Variants in FSCN2 observed in about 807,000 individuals in gnomAD.
FSCN2 encodes the protein fascin-2.
FSCN2 carries 46 observed loss-of-function variants against 37.8 expected under a neutral mutation model. The ratio of observed to expected loss-of-function variants is 1.22; its 90% CI spans 0.96 to 1.56. The LOEUF is 1.56. Ranked by LOEUF, FSCN2 falls within the 40% of genes most tolerant of loss-of-function variation. FSCN2 has a pLI of 0.00. For missense variants in FSCN2, 844 were observed against 730.4 expected, an observed-to-expected ratio of 1.16 and a Z score of -1.79; for synonymous variants, 351 against 309.4, an observed-to-expected ratio of 1.13 and a Z score of -1.41.
In FSCN2 at chr17:81,536,586, C is replaced by T. The variant is rs2032885170; in HGVS notation, c.1106-36C>T. On this transcript the variant is annotated intron_variant, in intron 3 of 4. Transcript: ENST00000417245. ...CGCCCGGCCTGGACAGGGAAGGTGGCGGGAGGGGCAGCGCAGCAGACGCTC... is the reference window on the plus strand; with the variant it reads ...CGCCCGGCCTGGACAGGGAAGGTGGTGGGAGGGGCAGCGCAGCAGACGCTC... 5 of 1,603,552 alleles carry T rather than the reference C, an allele frequency of 3.1e-6. No individual in the cohort carries two copies. The highest frequency in any genetic ancestry group is 1.1e-5 in the South Asian group (1 of 90,728).
chr17:81,524,839 G>T (rs1192233820), upstream of FSCN2, among the ~76,000 whole-genome samples: 1 of 151,176 alleles, frequency 6.6e-6, no homozygotes, highest in Non-Finnish European at 1.5e-5. Flanking sequence ...TCCAGAGTTG[G>T]CCCAGCAGGC....
At chr17:81,521,388 A>G in the FSCN2 span, among the ~76,000 whole-genome samples, 1 of 147,404 alleles carries the variant, frequency 6.8e-6, no homozygotes, top group Non-Finnish European at 1.5e-5. Context: ...TTTTGAGACA[A>G]GGTCTTATTC....
chr17:81,528,134 A>G (rs1233757942), upstream of FSCN2, among the ~76,000 whole-genome samples: 4 of 152,144 alleles, frequency 2.6e-5, no homozygotes, highest in East Asian at 1.9e-4. Context: ...CAAAAGGTGC[A>G]GGGCCGTGAA....
the FSCN2 span, among the ~76,000 whole-genome samples, chr17:81,521,017 G>C: frequency 6.6e-6 from 1 of 152,074 alleles, no homozygotes; most frequent in South Asian, 2.1e-4. Context: ...TAACCCTTCA[G>C]CGGAGTTTTT....
the FSCN2 span, among the ~76,000 whole-genome samples, chr17:81,519,344 G>A: frequency 6.6e-6 from 1 of 152,154 alleles, no homozygotes; most frequent in Non-Finnish European, 1.5e-5. Flanking sequence ...CCGGGGCTTC[G>A]GGTGGGCCCA....
chr17:81,531,621 ATGGTGGTGG>A (rs1207289115), intron 1 of FSCN2, among the ~76,000 whole-genome samples: 1 of 96,970 alleles, frequency 1.0e-5, no homozygotes, highest in South Asian at 4.0e-4. Flanking sequence ...GATGATGGTG[ATGGTGGTGG>A]TGATGGTGGT....
chr17:81,535,698 G>C (rs2032844415), intron 2 of FSCN2, among the ~76,000 whole-genome samples: 1 of 5,056 alleles, frequency 2.0e-4, no homozygotes, highest in Non-Finnish European at 3.6e-4. Context: ...CCCCATCTCT[G>C]CCATCCCCAC....
At chr17:81,525,792 C>T (rs1314027824), upstream of FSCN2, among the ~76,000 whole-genome samples, 1 of 152,230 alleles carries the variant, frequency 6.6e-6, no homozygotes, top group African/African-American at 2.4e-5. Context: ...TTATTAAGTA[C>T]CTGCTGTGTG....
chr17:81,528,430 T>TGTGGGCC lies in FSCN2; in HGVS notation c.-101_-95dup. On this transcript the variant is annotated 5_prime_UTR_variant, in exon 1 of 5. Coordinates refer to ENST00000417245, the MANE Select transcript of FSCN2 (RefSeq NM_012418.4). ...CGTGACGCCGGCTGGGTCTGGGGGC[T>TGTGGGCC]GTGGGCCAGCCGAGCCGACCCGGGC... 1.2e-6 allele frequency: 1 copy of TGTGGGCC among 843,910 alleles called. No homozygotes were observed. Among genetic ancestry groups the TGTGGGCC allele is most frequent in the Non-Finnish European group, 1.9e-6 (1 of 538,594 alleles). The allele number at this position is 843,910 out of a possible 1,614,324, so 52.3% of individuals were successfully genotyped here. A position where few individuals can be genotyped will look rare whatever the true frequency, so the allele number is the denominator to read the frequency against.
At chr17:81,528,333 G>A (rs1417199580), upstream of FSCN2, 6 of 586,334 alleles carry the variant, frequency 1.0e-5, no homozygotes, top group Non-Finnish European at 1.8e-5. Context: ...GCCCTCTGCT[G>A]CCCGCGGGCC....
chr17:81,533,867 G>T (rs139106418), intron 1 of FSCN2, among the ~76,000 whole-genome samples: 4 of 152,108 alleles, frequency 2.6e-5, no homozygotes, highest in African/African-American at 9.7e-5. Context: ...GTGCAGTGGC[G>T]GGGGGAGCCC....
In FSCN2 at chr17:81,535,051, G is replaced by T; in HGVS notation, c.827-1G>T. On this transcript the variant is annotated splice_acceptor_variant, in intron 1 of 4. Transcript: ENST00000417245. LOFTEE classifies it high-confidence loss of function. Reference sequence around the variant, plus strand: ...GGGGCTTCCCCATCTCCTCCCTCCAGGGGTCAACGTCTCAGCCAATCAGGA... The same window carrying T: ...GGGGCTTCCCCATCTCCTCCCTCCATGGGTCAACGTCTCAGCCAATCAGGA... 2 of 1,526,392 alleles carry T rather than the reference G, an allele frequency of 1.3e-6. No homozygotes were observed. Among genetic ancestry groups the T allele is most frequent in the Non-Finnish European group, 1.8e-6 (2 of 1,141,558 alleles). 94.6% of individuals were successfully genotyped at this position (1,526,392 alleles called of 1,614,324 possible).
chr17:81,530,168 G>A (rs782645836), intron 1 of FSCN2: 9 of 282,976 alleles, frequency 3.2e-5, no homozygotes, highest in Admixed American at 8.1e-5. Context: ...AGGGAGCTGG[G>A]GATCGGGCGG....
At chr17:81,536,479 G>C in intron 3 of FSCN2, 143 bp from the exon 4 acceptor site, 5 of 1,524,358 alleles carry the variant, frequency 3.3e-6, no homozygotes, top group Non-Finnish European at 4.4e-6. Flanking sequence ...AACCCCCTAG[G>C]CGCCTTGCCA....
At chr17:81,536,043 C>T in intron 2 of FSCN2, 103 bp from the exon 3 acceptor site, 1 of 1,414,258 alleles carries the variant, frequency 7.1e-7, no homozygotes, top group Middle Eastern at 1.8e-4. Context: ...CAGTGGAGGG[C>T]AGGCTTCTGT....
upstream of FSCN2, chr17:81,523,924 G>A (rs782270082): frequency 3.9e-5 from 6 of 152,424 alleles, no homozygotes; most frequent in Admixed American, 6.5e-5. Context: ...CCTGGAGCAC[G>A]TGCCGGTCAC....
intron 1 of FSCN2, chr17:81,530,660 C>T (rs782640022): frequency 6.6e-5 from 33 of 503,640 alleles, no homozygotes; most frequent in Admixed American, 2.3e-4. Context: ...AAGCCCCCAC[C>T]CTGACGGATG....
the FSCN2 span, chr17:81,518,968 C>T: frequency 6.6e-6 from 1 of 152,238 alleles, no homozygotes; most frequent in South Asian, 2.1e-4. Context: ...GAGTCTTAGC[C>T]ACGCCATCCT....
rs782424427 is a variant in FSCN2, at chr17:81,529,376, G to A, written c.826+19G>A. ...CGGCAAGGTAGGGAGGGCACAGGTG[G>A]CGACCTCCTGAGGGGTGCTGGGACC... On this transcript the variant is annotated intron_variant, in intron 1 of 4. Coordinates refer to ENST00000417245, the MANE Select transcript of FSCN2 (RefSeq NM_012418.4). 1.3e-6 allele frequency: 2 copies of A among 1,517,662 alleles called. No individual in the cohort carries two copies. The highest frequency in any genetic ancestry group is 2.6e-5 in the South Asian group (2 of 76,536). 94.0% of individuals were successfully genotyped at this position (1,517,662 alleles called of 1,614,324 possible). A position where few individuals can be genotyped will look rare whatever the true frequency, so the allele number is the denominator to read the frequency against.
Sources: allele counts gnomAD v4.1 joint callset (sites outside exome capture counted in the v4.1 genomes callset), GRCh38; gene constraint gnomAD v4.1.1; transcripts MANE v1.5; gene names NCBI Gene and HGNC (gene_info 2026-07-23, HGNC 2026-07-21).